The following IPMK variants were observed in gnomAD, a reference collection of about 807,000 sequenced individuals.
IPMK encodes the protein inositol polyphosphate multikinase.
Under a neutral mutation model 45.8 loss-of-function variants are expected in IPMK, and 17 were observed. That is an observed-to-expected ratio of 0.37 (90% confidence interval 0.25 to 0.56). The LOEUF (loss-of-function observed/expected upper bound fraction) is 0.56, where lower values mean the gene tolerates loss of function less well. IPMK is among the 20% of genes least tolerant of loss of function. The probability of loss-of-function intolerance (pLI) is 0.79; values close to 1 mark genes in which losing one functional copy is unlikely to be tolerated. For missense variants in IPMK, 399 were observed against 498.0 expected (o/e 0.80, Z 1.89); for synonymous variants, 180 against 184.3 (o/e 0.98, Z 0.19).
intron 3 of IPMK, among the ~76,000 whole-genome samples, chr10:58,226,170 T>A (rs1838412931): frequency 6.6e-6 from 1 of 152,098 alleles, no homozygotes; most frequent in South Asian, 2.1e-4. Context: ...TCCCTATTAG[T>A]GAAACCTGGC....
intron 1 of IPMK, among the ~76,000 whole-genome samples, chr10:58,244,363 G>A (rs1289448026): frequency 4.7e-5 from 7 of 148,058 alleles, no homozygotes; most frequent in Non-Finnish European, 7.4e-5. Flanking sequence ...GCCCCCTCTG[G>A]GAAGTGGGGG....
At chr10:58,209,834 T>C (rs1282881837) in intron 4 of IPMK, among the ~76,000 whole-genome samples, 2 of 152,216 alleles carry the variant, frequency 1.3e-5, no homozygotes, top group South Asian at 2.1e-4. Flanking sequence ...GGAGCAGTTA[T>C]TCTGTCATGA....
At chr10:58,248,557 A>G (rs1317452968) in intron 1 of IPMK, among the ~76,000 whole-genome samples, 1 of 152,194 alleles carries the variant, frequency 6.6e-6, no homozygotes, top group African/African-American at 2.4e-5. Context: ...TGTTGGGAAC[A>G]TATCAAATAT....
Position 58,267,795 on chromosome 10 carries a change from T to C in IPMK, c.-184A>G, listed in dbSNP as rs531493014. The C allele has an allele frequency of 2.6e-5, 14 of 533,392 alleles. No homozygotes were observed. The East Asian group carries it at 4.4e-4, about 17-fold the overall frequency. The allele number at this position is 533,392 out of a possible 1,614,324, so 33.0% of individuals were successfully genotyped here. A position where few individuals can be genotyped will look rare whatever the true frequency, so the allele number is the denominator to read the frequency against. ...CGCCGCCGGGGCGCGGGCGCTCCTC[T>C]GCCCAACTCTCGGCGGAACGCGGCT... On this transcript the variant is annotated 5_prime_UTR_variant, in exon 1 of 6. Transcript: ENST00000373935.
At chr10:58,248,406 G>A (rs866935364) in intron 1 of IPMK, among the ~76,000 whole-genome samples, 1 of 151,758 alleles carries the variant, frequency 6.6e-6, no homozygotes, top group Non-Finnish European at 1.5e-5. Flanking sequence ...TCTGCAGAAG[G>A]CATTTTCTAA....
Position 58,195,925 on chromosome 10 carries a change from A to G in IPMK, c.*151T>C. 1 of 708,994 alleles carries G rather than the reference A, an allele frequency of 1.4e-6. No homozygotes were observed. Among genetic ancestry groups the G allele is most frequent in the Non-Finnish European group, 2.3e-6 (1 of 430,414 alleles). The allele number at this position is 708,994 out of a possible 1,614,324, so 43.9% of individuals were successfully genotyped here. ...ATAGTTAGTTTTCCTGAGTAAGATTATAAAAAAGTTAACCATTCTTCCAAA... is the reference window on the plus strand; with the variant it reads ...ATAGTTAGTTTTCCTGAGTAAGATTGTAAAAAAGTTAACCATTCTTCCAAA... On this transcript the variant is annotated 3_prime_UTR_variant, in exon 6 of 6. Transcript: ENST00000373935.
chr10:58,238,025 T>G (rs1281884461), intron 1 of IPMK, among the ~76,000 whole-genome samples: 1 of 152,208 alleles, frequency 6.6e-6, no homozygotes, highest in African/African-American at 2.4e-5. Context: ...TGTCTTCATT[T>G]TAGTGTCTCC....
intron 4 of IPMK, among the ~76,000 whole-genome samples, chr10:58,206,862 A>G (rs1036264750): frequency 2.6e-5 from 4 of 152,036 alleles, no homozygotes; most frequent in Non-Finnish European, 4.4e-5. Flanking sequence ...CACTTGTGAG[A>G]GCCTATAGTA....
At chr10:58,240,254 A>G (rs576644072) in intron 1 of IPMK, among the ~76,000 whole-genome samples, 2 of 152,284 alleles carry the variant, frequency 1.3e-5, no homozygotes, top group South Asian at 4.1e-4. Flanking sequence ...CTGAAATAAA[A>G]AATTTAATTA....
chr10:58,238,568 G>C (rs1276381017), intron 1 of IPMK, among the ~76,000 whole-genome samples: 1 of 152,144 alleles, frequency 6.6e-6, no homozygotes, highest in African/African-American at 2.4e-5. Flanking sequence ...GCTAGAATAT[G>C]GCTCAAATAA....
At chr10:58,219,214 A>C (rs990687964) in intron 3 of IPMK, among the ~76,000 whole-genome samples, 1 of 152,212 alleles carries the variant, frequency 6.6e-6, no homozygotes, top group Non-Finnish European at 1.5e-5. Context: ...TTTTTAAGTG[A>C]AAATAAGAAT....
intron 3 of IPMK, among the ~76,000 whole-genome samples, chr10:58,221,822 C>T (rs1367191589): frequency 6.6e-6 from 1 of 151,992 alleles, no homozygotes; most frequent in Non-Finnish European, 1.5e-5. Context: ...GATCTTGGCT[C>T]ACTGCAACCT....
chr10:58,219,986 C>T (rs1488999695), intron 3 of IPMK, among the ~76,000 whole-genome samples: 1 of 152,200 alleles, frequency 6.6e-6, no homozygotes, highest in Non-Finnish European at 1.5e-5. Context: ...AAGAACTATC[C>T]TCAGTCCTAC....
chr10:58,235,750 T>G (rs1309670628), intron 2 of IPMK, among the ~76,000 whole-genome samples: 1 of 152,116 alleles, frequency 6.6e-6, no homozygotes, highest in South Asian at 2.1e-4. Context: ...ACATGGCACA[T>G]GTATACTTAT....
At chr10:58,254,543 T>A (rs1039331741) in intron 1 of IPMK, among the ~76,000 whole-genome samples, 1 of 152,176 alleles carries the variant, frequency 6.6e-6, no homozygotes, top group South Asian at 2.1e-4. Flanking sequence ...GATCTTCAAT[T>A]CTTCTAGTTC....
chr10:58,208,593 C>T (rs372290915), intron 4 of IPMK, among the ~76,000 whole-genome samples: 2 of 152,086 alleles, frequency 1.3e-5, no homozygotes, highest in Non-Finnish European at 2.9e-5. Flanking sequence ...GGGATAAAGA[C>T]TCTGTATGAG....
intron 3 of IPMK, among the ~76,000 whole-genome samples, chr10:58,223,664 CAG>C (rs971485181): frequency 3.6e-4 from 54 of 152,106 alleles, no homozygotes; most frequent in African/African-American, 1.2e-3. Flanking sequence ...ACTGGAAAAA[CAG>C]ATGATATGGT....
chr10:58,267,871 G>A lies in IPMK; in HGVS notation c.-260C>T. 6.9e-6 allele frequency: 3 copies of A among 435,036 alleles called. No individual in the cohort carries two copies. Among genetic ancestry groups the A allele is most frequent in the East Asian group, 4.4e-5 (1 of 22,980 alleles). 26.9% of individuals were successfully genotyped at this position (435,036 alleles called of 1,614,324 possible). A position where few individuals can be genotyped will look rare whatever the true frequency, so the allele number is the denominator to read the frequency against. ...CAGCCGCCGGCCCCGGCGCTGCCCG[G>A]TAGACAGAACCGAGCCGAAGAACAG... On this transcript the variant is annotated 5_prime_UTR_variant, in exon 1 of 6. Transcript: ENST00000373935.
At chr10:58,256,373 G>T (rs1838967381) in intron 1 of IPMK, among the ~76,000 whole-genome samples, 1 of 152,128 alleles carries the variant, frequency 6.6e-6, no homozygotes, top group African/African-American at 2.4e-5. Flanking sequence ...CTCCTGCAGT[G>T]CCCTCAGGCT....
Sources: gnomAD v4.1 joint callset for allele counts (sites outside exome capture counted in the v4.1 genomes callset) on GRCh38, gnomAD v4.1.1 for gene constraint, MANE v1.5 for transcripts, NCBI Gene and HGNC (gene_info 2026-07-23, HGNC 2026-07-21) for gene names.